YJU2B: variants seen among roughly 807,000 people sequenced by gnomAD.
YJU2B encodes the protein probable splicing factor YJU2B.
In YJU2B, 18 loss-of-function variants were observed where a neutral mutation model predicts 38.0. The ratio of observed to expected loss-of-function variants is 0.47; its 90% CI spans 0.33 to 0.70. YJU2B has a LOEUF of 0.70. Among genes scored for constraint, YJU2B ranks in the 30% least tolerant of loss-of-function variants. The pLI, the probability that YJU2B is intolerant of heterozygous loss-of-function variation, is 0.02. For missense variants in YJU2B, 538 were observed against 556.3 expected (o/e 0.97, Z 0.33); for synonymous variants, 246 against 225.4 (o/e 1.09, Z -0.82).
upstream of YJU2B, among the ~76,000 whole-genome samples, chr19:13,744,248 G>A (rs865849685): frequency 1.3e-5 from 2 of 152,104 alleles, no homozygotes; most frequent in Non-Finnish European, 2.9e-5. Flanking sequence ...TTAAGGAAGA[G>A]AAGCTTTGTT....
rs563260666 is a variant in YJU2B, at chr19:13,757,296, C to T, written c.141-122C>T. ...TGTGTAATGTGAGTGCAGCAACTCC[C>T]GTTAACAGGGCAGTCTAATACCCCA... On this transcript the variant is annotated intron_variant, in intron 4 of 9. Coordinates refer to ENST00000221554, the MANE Select transcript of YJU2B (RefSeq NM_030818.4). 353 of 695,834 alleles carry T rather than the reference C, an allele frequency of 5.1e-4. 1 individual carries two copies. In the African/African-American group the frequency reaches 5.6e-3, roughly 11 times the overall value. 43.1% of individuals were successfully genotyped at this position (695,834 alleles called of 1,614,324 possible).
chr19:13,735,183 G>T (rs997744742), intron 2 of YJU2B, among the ~76,000 whole-genome samples: 1 of 152,110 alleles, frequency 6.6e-6, no homozygotes, highest in Admixed American at 6.6e-5. Flanking sequence ...CGGGCATGGT[G>T]GTGGGCACCT....
chr19:13,751,877 C>A, intron 2 of YJU2B, 66 bp downstream of exon 2: 1 of 1,443,088 alleles, frequency 6.9e-7, no homozygotes, highest in South Asian at 1.1e-5. Flanking sequence ...GGAAGCAGCC[C>A]CTCCTCCCCT....
At chr19:13,751,944 G>T in intron 2 of YJU2B, 133 bp downstream of exon 2, 1 of 841,392 alleles carries the variant, frequency 1.2e-6, no homozygotes, top group Admixed American at 2.1e-5. Flanking sequence ...TGGTGCAGTG[G>T]GTCTGAAATG....
intron 2 of YJU2B, among the ~76,000 whole-genome samples, chr19:13,733,626 C>T (rs775789626): frequency 2.0e-5 from 3 of 152,148 alleles, no homozygotes; most frequent in African/African-American, 7.2e-5. Context: ...GAGGCTGAAG[C>T]AGGAGAATCG....
intron 1 of YJU2B, among the ~76,000 whole-genome samples, chr19:13,749,502 G>T (rs1478647855): frequency 6.6e-6 from 1 of 152,212 alleles, no homozygotes; most frequent in Non-Finnish European, 1.5e-5. Flanking sequence ...TTGGGGCAGA[G>T]ATAATCTGGC....
intron 2 of YJU2B, 54 bp downstream of exon 2, chr19:13,751,865 C>T (rs1296755517): frequency 6.3e-7 from 1 of 1,576,480 alleles, no homozygotes. Context: ...TTGTAGGACC[C>T]TGGAAGCAGC....
intron 8 of YJU2B, 113 bp downstream of exon 8, chr19:13,759,385 C>G (rs1336177783): frequency 2.0e-5 from 16 of 809,250 alleles, no homozygotes; most frequent in Non-Finnish European, 2.9e-5. Context: ...CCCTCTGAGC[C>G]TCAGTTTCCC....
chr19:13,762,023 C>G (rs1254391885), intron 8 of YJU2B, among the ~76,000 whole-genome samples: 5 of 152,094 alleles, frequency 3.3e-5, no homozygotes, highest in East Asian at 3.9e-4. Context: ...CAGGCCCAGT[C>G]TCTACAAAAA....
At chr19:13,739,588 G>A (rs1973041368) in intron 2 of YJU2B, among the ~76,000 whole-genome samples, 1 of 152,038 alleles carries the variant, frequency 6.6e-6, no homozygotes, top group South Asian at 2.1e-4. Context: ...CCTTATTCCT[G>A]CCTTTGTGGG....
At chr19:13,741,140 T>G (rs918269757) in intron 2 of YJU2B, among the ~76,000 whole-genome samples, 1 of 150,018 alleles carries the variant, frequency 6.7e-6, no homozygotes, top group African/African-American at 2.5e-5. Flanking sequence ...GCCTTTGGCT[T>G]TTATAGATTT....
upstream of YJU2B, among the ~76,000 whole-genome samples, chr19:13,743,580 G>GA (rs35952396): frequency 0.58 from 79,363 of 137,280 alleles, 21,264 homozygotes; most frequent in Middle Eastern, 0.66. Context: ...TCAGTCTCAG[G>GA]AAAAAAAAAA....
intron 2 of YJU2B, among the ~76,000 whole-genome samples, chr19:13,734,400 C>T (rs1972892886): frequency 6.6e-6 from 1 of 151,856 alleles, no homozygotes; most frequent in Non-Finnish European, 1.5e-5. Flanking sequence ...AAGTGATTCT[C>T]CTGCCTCACC....
intron 2 of YJU2B, among the ~76,000 whole-genome samples, chr19:13,740,364 A>G (rs932634692): frequency 2.0e-5 from 3 of 152,068 alleles, no homozygotes; most frequent in Admixed American, 2.0e-4. Context: ...GGCACGTGCC[A>G]CTATGCCTGG....
chr19:13,737,431 C>G (rs1408429534), intron 2 of YJU2B, among the ~76,000 whole-genome samples: 1 of 151,652 alleles, frequency 6.6e-6, no homozygotes, highest in African/African-American at 2.4e-5. Context: ...TCCTGCTCTT[C>G]CTGGGTAGTT....
Position 13,754,350 on chromosome 19 carries a change from G to A in YJU2B, c.57+8G>A. The A allele has an allele frequency of 6.2e-7, 1 of 1,611,484 alleles. No homozygotes were observed. Among genetic ancestry groups the A allele is most frequent in the South Asian group, 1.1e-5 (1 of 91,034 alleles). On this transcript the variant is annotated splice_region_variant and intron_variant, in intron 3 of 9. Coordinates refer to ENST00000221554, the MANE Select transcript of YJU2B (RefSeq NM_030818.4). ...GACTTCAACCCTGAGAAGGTAAGCAGGCTCTCCGCTCCAGGTCCACAGTAG... is the reference window on the plus strand; with the variant it reads ...GACTTCAACCCTGAGAAGGTAAGCAAGCTCTCCGCTCCAGGTCCACAGTAG...
intron 6 of YJU2B, among the ~76,000 whole-genome samples, chr19:13,758,604 C>G (rs929690921): frequency 6.6e-5 from 10 of 151,962 alleles, no homozygotes; most frequent in Non-Finnish European, 2.9e-5. Context: ...ATAAATGAAC[C>G]AAAAAAATGG....
chr19:13,757,583 C>T (rs994047360), intron 5 of YJU2B, 110 bp downstream of exon 5: 25 of 1,161,646 alleles, frequency 2.2e-5, no homozygotes, highest in Admixed American at 1.3e-4. Flanking sequence ...AGGGAGGAGA[C>T]GGGCACCCGA....
chr19:13,747,616 G>T (rs577206231), upstream of YJU2B, among the ~76,000 whole-genome samples: 1 of 152,220 alleles, frequency 6.6e-6, no homozygotes, highest in Non-Finnish European at 1.5e-5. Context: ...GACTACAGGG[G>T]CCCGCCACCA....
Sources: gnomAD v4.1 joint callset for allele counts (sites outside exome capture counted in the v4.1 genomes callset) on GRCh38, gnomAD v4.1.1 for gene constraint, MANE v1.5 for transcripts, NCBI Gene and HGNC (gene_info 2026-07-23, HGNC 2026-07-21) for gene names.